Variants in NCKAP5 observed in about 807,000 individuals in gnomAD.
NCKAP5 encodes the protein NCK associated protein 5, also known as nck-associated protein 5.
In NCKAP5, 92 loss-of-function variants were observed where a neutral mutation model predicts 167.0. The ratio of observed to expected loss-of-function variants is 0.55; its 90% CI spans 0.47 to 0.66. The LOEUF (loss-of-function observed/expected upper bound fraction) is 0.66. Ranked by LOEUF, NCKAP5 falls within the 30% of genes least tolerant of loss-of-function variation. The probability of loss-of-function intolerance (pLI) is 0.00; values close to 1 mark genes in which losing one functional copy is unlikely to be tolerated. For synonymous variants in NCKAP5, 891 were observed against 877.4 expected (o/e 1.02, Z -0.27); for missense variants, 2,378 against 2,315.0 (o/e 1.03, Z -0.56).
intron 19 of NCKAP5, among the ~76,000 whole-genome samples, chr2:132,722,634 C>T (rs990285919): frequency 2.0e-5 from 3 of 152,088 alleles, no homozygotes; most frequent in Admixed American, 2.0e-4. Flanking sequence ...TAGCCTCCCA[C>T]CTACCCACCA....
chr2:133,653,100 A>G, the NCKAP5 span, among the ~76,000 whole-genome samples: 1 of 152,128 alleles, frequency 6.6e-6, no homozygotes, highest in Non-Finnish European at 1.5e-5. Flanking sequence ...TTAGTCCATG[A>G]CCTGTCCTGA....
At chr2:132,769,894 G>A (rs1410232780) in intron 16 of NCKAP5, among the ~76,000 whole-genome samples, 1 of 152,190 alleles carries the variant, frequency 6.6e-6, no homozygotes, top group Non-Finnish European at 1.5e-5. Context: ...CCACAAGCAT[G>A]AGGACAAAAA....
intron 16 of NCKAP5, among the ~76,000 whole-genome samples, chr2:132,755,462 C>CT (rs1191531115): frequency 6.6e-6 from 1 of 152,138 alleles, no homozygotes; most frequent in Non-Finnish European, 1.5e-5. Flanking sequence ...AGGCACAATG[C>CT]TTTTTTATGC....
chr2:132,696,757 A>T (rs1221938550), intron 19 of NCKAP5, among the ~76,000 whole-genome samples: 2 of 152,210 alleles, frequency 1.3e-5, no homozygotes, highest in East Asian at 3.9e-4. Flanking sequence ...CTAAACTCAC[A>T]GTTTACATCT....
chr2:133,523,030 C>G (rs949342119), intron 2 of NCKAP5, among the ~76,000 whole-genome samples: 4 of 152,004 alleles, frequency 2.6e-5, no homozygotes, highest in Non-Finnish European at 5.9e-5. Flanking sequence ...CCTTCCCCCT[C>G]ACATACACCC....
Position 132,784,253 on chromosome 2 carries a change from G to T in NCKAP5, c.2558C>A (p.Ser853Ter). Reference protein sequence around the residue: ...KLSRFMKTESSGPLFELRSDP... With the variant: ...KLSRFMKTES ...TGATCGTAATTCAAAGAGGGGCCCT[G>T]AGCTCTCAGTCTTCATGAATCGTGA... Residue 853 changes from serine (S) to a stop codon, truncating the protein, a stop_gained, in exon 14 of 20, where the codon TCA becomes TAA. Coordinates refer to ENST00000409261, the MANE Select transcript of NCKAP5 (RefSeq NM_207363.3). LOFTEE classifies it high-confidence loss of function. 1 of 1,608,742 alleles carries T rather than the reference G, an allele frequency of 6.2e-7. No homozygotes were observed. The highest frequency in any genetic ancestry group is 8.5e-7 in the Non-Finnish European group (1 of 1,178,280).
intron 5 of NCKAP5, among the ~76,000 whole-genome samples, chr2:133,130,852 T>C (rs1231512558): frequency 6.6e-6 from 1 of 152,088 alleles, no homozygotes; most frequent in Non-Finnish European, 1.5e-5. Context: ...TGTTTTGTTG[T>C]TGTTGTTGTT....
the NCKAP5 span, among the ~76,000 whole-genome samples, chr2:133,636,427 A>G: frequency 6.2e-4 from 94 of 152,338 alleles, 2 homozygotes; most frequent in African/African-American, 2.0e-3. Context: ...AAGAAATTAG[A>G]GCTTTCAAGC....
chr2:133,269,874 G>A (rs2089429796), intron 4 of NCKAP5, among the ~76,000 whole-genome samples: 1 of 152,184 alleles, frequency 6.6e-6, no homozygotes, highest in Non-Finnish European at 1.5e-5. Flanking sequence ...GAGAATTGGT[G>A]GTGATTTTGA....
intron 16 of NCKAP5, among the ~76,000 whole-genome samples, chr2:132,766,760 T>A (rs1330116034): frequency 1.3e-5 from 2 of 152,242 alleles, no homozygotes; most frequent in Non-Finnish European, 2.9e-5. Flanking sequence ...ATCAACATTC[T>A]GGCATTGGGC....
At chr2:132,779,529 C>G (rs1275101513) in intron 15 of NCKAP5, among the ~76,000 whole-genome samples, 1 of 149,510 alleles carries the variant, frequency 6.7e-6, no homozygotes, top group Non-Finnish European at 1.5e-5. Flanking sequence ...TTTTATAATG[C>G]AGGGGACATC....
intron 3 of NCKAP5, among the ~76,000 whole-genome samples, chr2:133,510,235 G>C (rs1290772584): frequency 6.6e-6 from 1 of 152,122 alleles, no homozygotes; most frequent in Non-Finnish European, 1.5e-5. Context: ...TGCATGCTGG[G>C]GGACGGCTAG....
At chr2:132,757,681 A>G (rs978629170) in intron 16 of NCKAP5, among the ~76,000 whole-genome samples, 15 of 152,196 alleles carry the variant, frequency 9.9e-5, no homozygotes, top group Admixed American at 1.3e-4. Context: ...TAATGGACAT[A>G]TCATTGGGAA....
intron 11 of NCKAP5, among the ~76,000 whole-genome samples, chr2:132,835,356 T>A (rs1305297170): frequency 6.6e-6 from 1 of 152,166 alleles, no homozygotes; most frequent in African/African-American, 2.4e-5. Flanking sequence ...ATTCAGCCGC[T>A]TTGTTTAGGG....
chr2:132,937,509 A>C (rs1188347643), intron 8 of NCKAP5, among the ~76,000 whole-genome samples: 4 of 152,216 alleles, frequency 2.6e-5, no homozygotes, highest in Admixed American at 2.6e-4. Context: ...CTTAAATGTC[A>C]CACCTTATAT....
chr2:132,883,243 C>CGA (rs1691927771), intron 8 of NCKAP5, among the ~76,000 whole-genome samples: 1 of 149,030 alleles, frequency 6.7e-6, no homozygotes, highest in African/African-American at 2.5e-5. Context: ...CACACGACAC[C>CGA]CACCATGTCC....
intron 5 of NCKAP5, among the ~76,000 whole-genome samples, chr2:133,164,777 T>C (rs1438172043): frequency 6.6e-6 from 1 of 152,190 alleles, no homozygotes; most frequent in African/African-American, 2.4e-5. Flanking sequence ...TCTTTCCAGA[T>C]GAAAACTTAG....
rs140798876 is a variant in NCKAP5 at position 132,868,478 on chromosome 2, C to T, written c.687+458G>A. 2.1e-3 allele frequency among the ~76,000 whole-genome samples: 324 copies of T among 152,282 alleles called. 2 individuals carry two copies. The highest frequency in any genetic ancestry group is 7.3e-3 in the African/African-American group (303 of 41,566). On this transcript the variant is annotated intron_variant, in intron 10 of 19. Coordinates refer to ENST00000409261, the MANE Select transcript of NCKAP5 (RefSeq NM_207363.3). The stretch of plus-strand genomic sequence containing the variant: ...CATGCTTCCTTTTGTAGGGTCACCA[C>T]AGCAATCCCAGGAAGCGGGAATTGT...
intron 2 of NCKAP5, among the ~76,000 whole-genome samples, chr2:133,541,898 T>C (rs1165444388): frequency 1.3e-5 from 2 of 152,146 alleles, no homozygotes; most frequent in African/African-American, 4.8e-5. Flanking sequence ...AGGAAGCTGC[T>C]ACTGCTGCTG....
Sources: gnomAD v4.1 joint callset for allele counts (sites outside exome capture counted in the v4.1 genomes callset) on GRCh38, gnomAD v4.1.1 for gene constraint, MANE v1.5 for transcripts, NCBI Gene and HGNC (gene_info 2026-07-23, HGNC 2026-07-21) for gene names.